Variants in ILDR1 observed in about 807,000 individuals in gnomAD.
ILDR1 encodes immunoglobulin like domain containing receptor 1.
A neutral mutation model predicts 62.4 loss-of-function variants in ILDR1; 56 were observed. The ratio of observed to expected loss-of-function variants is 0.90; its 90% CI spans 0.72 to 1.12. The LOEUF is 1.12. ILDR1 is among the 50% of genes most tolerant of loss of function. ILDR1 has a pLI of 0.00. For missense variants in ILDR1, 736 were observed against 710.6 expected, an observed-to-expected ratio of 1.04 and a Z score of -0.41; for synonymous variants, 284 against 277.8, an observed-to-expected ratio of 1.02 and a Z score of -0.22.
the ILDR1 span, among the ~76,000 whole-genome samples, chr3:122,059,799 G>T: frequency 6.6e-6 from 1 of 151,564 alleles, no homozygotes; most frequent in Non-Finnish European, 1.5e-5. Context: ...TTTAAATGAG[G>T]TCATTAGGGT....
the ILDR1 span, among the ~76,000 whole-genome samples, chr3:122,040,932 C>T: frequency 1.3e-5 from 2 of 152,050 alleles, no homozygotes; most frequent in African/African-American, 2.4e-5. Flanking sequence ...AATTAAAAAT[C>T]TCTGCTTTGT....
At chr3:121,999,755 C>T (rs762468889) in intron 5 of ILDR1, among the ~76,000 whole-genome samples, 1 of 152,146 alleles carries the variant, frequency 6.6e-6, no homozygotes, top group East Asian at 1.9e-4. Context: ...ATGGCCATGA[C>T]GGGATGGGAG....
At chr3:122,024,264 A>C (rs1248824962), upstream of ILDR1, among the ~76,000 whole-genome samples, 1 of 152,212 alleles carries the variant, frequency 6.6e-6, no homozygotes, top group African/African-American at 2.4e-5. Context: ...GAAATATGGC[A>C]CTCAGCATTC....
chr3:121,995,460 GTCA>G (rs1318713982), intron 5 of ILDR1, among the ~76,000 whole-genome samples: 1 of 152,204 alleles, frequency 6.6e-6, no homozygotes, highest in African/African-American at 2.4e-5. Context: ...CAGCAAAGGG[GTCA>G]TCCAGTGGGC....
At chr3:122,057,616 A>T in the ILDR1 span, among the ~76,000 whole-genome samples, 5 of 152,248 alleles carry the variant, frequency 3.3e-5, no homozygotes, top group South Asian at 2.1e-4. Context: ...TTTAAGATTT[A>T]AAAAAAACAA....
chr3:122,022,337 T>A, upstream of ILDR1: 1 of 401,546 alleles, frequency 2.5e-6, no homozygotes, highest in Non-Finnish European at 4.4e-6. Context: ...CCCGGGGGAC[T>A]GCGGCCACCT....
chr3:122,042,255 T>C, the ILDR1 span, among the ~76,000 whole-genome samples: 715 of 72,830 alleles, frequency 9.8e-3, 10 homozygotes, highest in African/African-American at 0.038. Flanking sequence ...CTCATCATTT[T>C]TTATGGCTGC....
In ILDR1 at chr3:121,994,299, G is replaced by A. The variant is rs182963279; in HGVS notation, c.661C>T (p.Arg221Cys). 1.9e-4 allele frequency: 290 copies of A among 1,535,156 alleles called. 2 individuals carry two copies. The South Asian group carries it at 2.4e-3, about 13-fold the overall frequency. ...CCPEEALARHRYMKQAQALGP... is the reference protein window; with the variant it reads ...CCPEEALARHCYMKQAQALGP... Reference sequence around the variant, plus strand: ...AGGGCCTGGGCCTGCTTCATGTAGCGGTGGCGGGCCAGGGCTGCAGGGAAA... The same window carrying A: ...AGGGCCTGGGCCTGCTTCATGTAGCAGTGGCGGGCCAGGGCTGCAGGGAAA... Residue 221 changes from arginine to cysteine, a missense_variant, in exon 6 of 8, where the codon CGC (arginine) becomes TGC (cysteine). Transcript: ENST00000344209.
Position 121,993,010 on chromosome 3 carries a change from C to T in ILDR1, c.1599+140G>A, listed in dbSNP as rs751835251. 3.4e-4 allele frequency: 254 copies of T among 741,472 alleles called. 4 individuals are homozygous for T. In the Middle Eastern group the frequency reaches 3.8e-3, roughly 11 times the overall value. The allele number at this position is 741,472 out of a possible 1,614,324, so 45.9% of individuals were successfully genotyped here. On this transcript the variant is annotated intron_variant, in intron 7 of 7. Coordinates refer to ENST00000344209, the MANE Select transcript of ILDR1 (RefSeq NM_001199799.2). ...TCTGACAAGAGGTAGTCCACCTAGC[C>T]CACAGTGTAATTTGGGCAAAACAGG...
At chr3:122,051,379 C>G in the ILDR1 span, among the ~76,000 whole-genome samples, 9 of 152,046 alleles carry the variant, frequency 5.9e-5, no homozygotes, top group South Asian at 1.9e-3. Context: ...AATTGAATTG[C>G]TGATTATTTC....
chr3:122,028,935 T>G, the ILDR1 span, among the ~76,000 whole-genome samples: 1 of 152,214 alleles, frequency 6.6e-6, no homozygotes, highest in South Asian at 2.1e-4. Context: ...CACAGGTACC[T>G]GTGCAAGGAT....
chr3:122,011,344 C>T (rs2071699112), intron 1 of ILDR1, among the ~76,000 whole-genome samples: 4 of 152,104 alleles, frequency 2.6e-5, no homozygotes, highest in Admixed American at 6.5e-5. Context: ...GAATCTGACA[C>T]CCTTGAGGAG....
At chr3:122,029,509 A>ATATATATATATAT in the ILDR1 span, among the ~76,000 whole-genome samples, 103 of 113,494 alleles carry the variant, frequency 9.1e-4, no homozygotes, top group African/African-American at 3.7e-3. Flanking sequence ...CCGTCTAAAA[A>ATATATATATATAT]AAATATATAT....
intron 3 of ILDR1, 42 bp downstream of exon 3, chr3:122,005,202 T>TGCCCCCCC: frequency 7.4e-6 from 9 of 1,216,382 alleles, no homozygotes; most frequent in Non-Finnish European, 8.4e-6. Flanking sequence ...TGTCTGCACC[T>TGCCCCCCC]CCCCCCACCC....
chr3:122,001,485 C>G (rs746431279), intron 4 of ILDR1, 31 bp from the exon 5 acceptor site: 1 of 1,612,818 alleles, frequency 6.2e-7, no homozygotes, highest in South Asian at 1.1e-5. Flanking sequence ...AGGGGTTGAA[C>G]TAAATATTCA....
chr3:122,050,417 G>A, the ILDR1 span, among the ~76,000 whole-genome samples: 2 of 151,416 alleles, frequency 1.3e-5, no homozygotes, highest in African/African-American at 2.4e-5. Flanking sequence ...ACTTTCTTTT[G>A]TGGAAATTCC....
At chr3:122,045,565 A>G in the ILDR1 span, among the ~76,000 whole-genome samples, 4 of 149,344 alleles carry the variant, frequency 2.7e-5, no homozygotes, top group African/African-American at 4.9e-5. Context: ...GTCTCTTTGT[A>G]GGTCACTCAG....
intron 5 of ILDR1, among the ~76,000 whole-genome samples, chr3:121,995,160 G>A (rs552925444): frequency 9.8e-5 from 15 of 152,298 alleles, no homozygotes; most frequent in South Asian, 4.1e-4. Context: ...AAAGCATTTC[G>A]TTGTTTTTGT....
chr3:122,039,854 T>C, the ILDR1 span, among the ~76,000 whole-genome samples: 1 of 151,966 alleles, frequency 6.6e-6, no homozygotes, highest in African/African-American at 2.4e-5. Flanking sequence ...AAATAAATGA[T>C]AATAGCACAA....
Sources: gnomAD v4.1 joint callset for allele counts (sites outside exome capture counted in the v4.1 genomes callset) on GRCh38, gnomAD v4.1.1 for gene constraint, MANE v1.5 for transcripts, NCBI Gene and HGNC (gene_info 2026-07-23, HGNC 2026-07-21) for gene names.